The following DENND4A variants were observed in gnomAD, a reference collection of about 807,000 sequenced individuals.
DENND4A encodes C-myc promoter-binding protein.
A neutral mutation model predicts 199.3 loss-of-function variants in DENND4A; 70 were observed. That is an observed-to-expected ratio of 0.35 (90% CI 0.29 to 0.43). The LOEUF (loss-of-function observed/expected upper bound fraction) is 0.43, where lower values mean the gene tolerates loss of function less well. DENND4A is among the 20% of genes least tolerant of loss of function. The pLI is 1.00. For missense variants in DENND4A, 1,723 were observed against 2,255.8 expected (o/e 0.76, Z 4.78); for synonymous variants, 686 against 766.9 (o/e 0.89, Z 1.74).
chr15:65,766,821 T>A (rs565234499), intron 1 of DENND4A: 1 of 152,138 alleles, frequency 6.6e-6, no homozygotes, highest in South Asian at 2.1e-4. Flanking sequence ...CATAAAATAA[T>A]GCTACAGAAC....
intron 22 of DENND4A, 47 bp downstream of exon 22, chr15:65,696,319 A>T (rs2077142647): frequency 6.3e-7 from 1 of 1,579,666 alleles, no homozygotes; most frequent in Admixed American, 1.8e-5. Context: ...CTAGTCATAC[A>T]GATACAATTT....
chr15:65,761,548 A>G (rs2076849257), intron 1 of DENND4A, 110 bp from the exon 2 acceptor site: 1 of 152,164 alleles, frequency 6.6e-6, no homozygotes, highest in African/African-American at 2.4e-5. Context: ...TACTAAACTG[A>G]TTGCATTTAT....
intron 7 of DENND4A, among the ~76,000 whole-genome samples, chr15:65,734,267 C>T (rs2076047662): frequency 1.3e-5 from 2 of 152,202 alleles, no homozygotes; most frequent in African/African-American, 2.4e-5. Flanking sequence ...GGCAGCAATA[C>T]TGCTTTGTAA....
At chr15:65,684,009 TTAAAA>T (rs1031398115) in intron 23 of DENND4A, among the ~76,000 whole-genome samples, 11 of 152,240 alleles carry the variant, frequency 7.2e-5, no homozygotes, top group Non-Finnish European at 1.5e-4. Flanking sequence ...CTTAATCCAC[TTAAAA>T]TAAACATGTA....
chr15:65,669,939 C>G lies in DENND4A; in HGVS notation c.4641-14G>C. On this transcript the variant is annotated splice_polypyrimidine_tract_variant and intron_variant, in intron 26 of 32. Coordinates refer to ENST00000443035, the MANE Select transcript of DENND4A (RefSeq NM_001320835.1). ...TTTAGAAAGTATCTGTAATGTGAAT[C>G]GAAGGAACTTTTTGAGAAAAGAGAT... 6.2e-7 allele frequency: 1 copy of G among 1,610,540 alleles called. No homozygotes were observed. Among genetic ancestry groups the G allele is most frequent in the Non-Finnish European group, 8.5e-7 (1 of 1,177,718 alleles).
At chr15:65,677,632 A>G (rs1419551782) in intron 23 of DENND4A, among the ~76,000 whole-genome samples, 1 of 152,232 alleles carries the variant, frequency 6.6e-6, no homozygotes, top group Non-Finnish European at 1.5e-5. Flanking sequence ...GTGCACTTAA[A>G]TATCTAATCC....
intron 2 of DENND4A, among the ~76,000 whole-genome samples, chr15:65,756,961 C>T (rs534209052): frequency 2.6e-5 from 4 of 152,176 alleles, no homozygotes; most frequent in South Asian, 4.1e-4. Flanking sequence ...CTCCTGAATC[C>T]GGGAAGCTGA....
intron 1 of DENND4A, among the ~76,000 whole-genome samples, chr15:65,768,194 G>C (rs1005731523): frequency 6.6e-6 from 1 of 151,898 alleles, no homozygotes; most frequent in Non-Finnish European, 1.5e-5. Context: ...GTAGAGATGC[G>C]GTTTTGCCAT....
Position 65,682,851 on chromosome 15 carries a change from G to T in DENND4A, c.4180-6217C>A, listed in dbSNP as rs534709361. On this transcript the variant is annotated intron_variant, in intron 23 of 32. Coordinates refer to ENST00000443035, the MANE Select transcript of DENND4A (RefSeq NM_001320835.1). ...GTCTCAAGGAATAAGAAGGCCTGAG[G>T]AGAGGGAGAGAGTCAGGAGAATGGC... Among the ~76,000 whole-genome samples, 7 of 152,306 alleles carry T rather than the reference G, an allele frequency of 4.6e-5. No individual in the cohort carries two copies. The South Asian group carries it at 1.4e-3, about 32-fold the overall frequency.
At chr15:65,715,411 A>G (rs747401628) in intron 14 of DENND4A, 67 bp downstream of exon 14, 57 of 1,416,102 alleles carry the variant, frequency 4.0e-5, no homozygotes, top group South Asian at 3.0e-4. Flanking sequence ...CATAGAAACT[A>G]TAACTCATAA....
intron 25 of DENND4A, among the ~76,000 whole-genome samples, chr15:65,670,694 G>T (rs2076188889): frequency 6.6e-6 from 1 of 152,070 alleles, no homozygotes; most frequent in Non-Finnish European, 1.5e-5. Flanking sequence ...TGACAGATTA[G>T]AAATTAAACA....
intron 1 of DENND4A, among the ~76,000 whole-genome samples, chr15:65,777,762 A>C (rs534347494): frequency 1.3e-5 from 2 of 152,356 alleles, no homozygotes; most frequent in Non-Finnish European, 2.9e-5. Context: ...TAGGCTGGGC[A>C]CAGTGGCTCA....
intron 29 of DENND4A, among the ~76,000 whole-genome samples, chr15:65,666,251 A>C (rs1032260132): frequency 2.7e-4 from 41 of 152,184 alleles, no homozygotes; most frequent in African/African-American, 9.7e-4. Flanking sequence ...CTAATAATAA[A>C]ATAGAACAAT....
chr15:65,695,320 T>G (rs1354804014), intron 22 of DENND4A, among the ~76,000 whole-genome samples: 1 of 152,206 alleles, frequency 6.6e-6, no homozygotes. Context: ...AATACGTAAA[T>G]GAATGAGCAT....
At chr15:65,682,491 T>C (rs2076613619) in intron 23 of DENND4A, among the ~76,000 whole-genome samples, 1 of 152,248 alleles carries the variant, frequency 6.6e-6, no homozygotes, top group Non-Finnish European at 1.5e-5. Context: ...GGCCTTGCTC[T>C]GGATTAGGCT....
In DENND4A at chr15:65,725,885, T is replaced by C. The variant is rs141614711; in HGVS notation, c.1488-2937A>G. 4.1e-3 allele frequency among the ~76,000 whole-genome samples: 631 copies of C among 152,242 alleles called. 9 individuals are homozygous for C. Among genetic ancestry groups the C allele is most frequent in the African/African-American group, 0.014 (598 of 41,544 alleles). On this transcript the variant is annotated intron_variant, in intron 11 of 32. Transcript: ENST00000443035. ...AGGGGAAAAGAAACCAAAAATTCCA[T>C]ACTTGGGATTTGTTTTTCTTTCAAA... is the stretch of plus-strand genomic sequence containing the variant.
intron 1 of DENND4A, chr15:65,771,279 C>T: frequency 6.3e-7 from 1 of 1,583,296 alleles, no homozygotes; most frequent in South Asian, 1.1e-5. Flanking sequence ...ACTTTTGCTG[C>T]ATACTGCATA....
intron 5 of DENND4A, among the ~76,000 whole-genome samples, chr15:65,739,365 G>C (rs564469911): frequency 2.3e-4 from 35 of 152,306 alleles, no homozygotes; most frequent in South Asian, 8.3e-4. Flanking sequence ...TATTTACAAT[G>C]TCTTAGGAAT....
rs557426673 is a variant in DENND4A, at chr15:65,716,793, C to T, written c.1807+985G>A. On this transcript the variant is annotated intron_variant, in intron 13 of 32. Coordinates refer to ENST00000443035, the MANE Select transcript of DENND4A (RefSeq NM_001320835.1). ...GGATGGCTGGGTCAAATGGTATTTCCAGTTCTAGATCCCTGAGGAATCGCC... is the reference window on the plus strand; with the variant it reads ...GGATGGCTGGGTCAAATGGTATTTCTAGTTCTAGATCCCTGAGGAATCGCC... 8.3e-4 allele frequency among the ~76,000 whole-genome samples: 125 copies of T among 151,376 alleles called. 4 individuals carry two copies. Among genetic ancestry groups the T allele is most frequent in the Non-Finnish European group, 4.9e-4 (33 of 67,796 alleles).
Sources: gnomAD v4.1 joint callset for allele counts (sites outside exome capture counted in the v4.1 genomes callset) on GRCh38, gnomAD v4.1.1 for gene constraint, MANE v1.5 for transcripts, NCBI Gene and HGNC (gene_info 2026-07-23, HGNC 2026-07-21) for gene names.